CDH12: variants seen among roughly 807,000 people sequenced by gnomAD.
CDH12 encodes cadherin 12, also known as cadherin-12.
In CDH12, 41 loss-of-function variants were observed where a neutral mutation model predicts 74.1. The ratio of observed to expected loss-of-function variants is 0.55; its 90% CI spans 0.43 to 0.72. CDH12 has a LOEUF of 0.72. Ranked by LOEUF, CDH12 falls within the 30% of genes least tolerant of loss-of-function variation. CDH12 has a pLI of 0.00. For missense variants in CDH12, 945 were observed against 977.2 expected (o/e 0.97, Z 0.44); for synonymous variants, 399 against 355.0 (o/e 1.12, Z -1.39).
intron 3 of CDH12, among the ~76,000 whole-genome samples, chr5:22,367,231 T>C (rs1741074988): frequency 3.3e-5 from 5 of 152,188 alleles, no homozygotes; most frequent in Admixed American, 3.3e-4. Flanking sequence ...CCTAGTGATC[T>C]AATGGAACTC....
At chr5:22,801,432 G>T (rs954623379) in intron 1 of CDH12, among the ~76,000 whole-genome samples, 18 of 151,990 alleles carry the variant, frequency 1.2e-4, no homozygotes, top group African/African-American at 4.1e-4. Flanking sequence ...CTTTTAAAAA[G>T]AGGTTTTTTG....
At chr5:22,322,350 A>G (rs1304469658) in intron 3 of CDH12, among the ~76,000 whole-genome samples, 1 of 134,270 alleles carries the variant, frequency 7.4e-6, no homozygotes, top group Non-Finnish European at 1.6e-5. Flanking sequence ...TTTCATAAAT[A>G]TATTTCAGCT....
chr5:22,571,718 T>A (rs1739549072), intron 1 of CDH12, among the ~76,000 whole-genome samples: 1 of 152,186 alleles, frequency 6.6e-6, no homozygotes, highest in Non-Finnish European at 1.5e-5. Flanking sequence ...TTAACTGACC[T>A]AATGTCAATG....
chr5:21,820,092 A>G (rs994637776), intron 8 of CDH12, among the ~76,000 whole-genome samples: 9 of 151,572 alleles, frequency 5.9e-5, no homozygotes, highest in East Asian at 3.9e-4. Context: ...AATATGGGGG[A>G]AAAAAAATTA....
At chr5:22,156,073 A>T (rs1463146298) in intron 4 of CDH12, among the ~76,000 whole-genome samples, 2 of 152,144 alleles carry the variant, frequency 1.3e-5, no homozygotes, top group Admixed American at 6.6e-5. Flanking sequence ...TATATATATA[A>T]AAGATAACAT....
chr5:21,898,570 C>T (rs751969765), intron 6 of CDH12, among the ~76,000 whole-genome samples: 9 of 151,826 alleles, frequency 5.9e-5, no homozygotes, highest in Non-Finnish European at 1.2e-4. Context: ...GGCGTGGTGG[C>T]GGGCGCCTAT....
chr5:22,306,681 GA>G (rs1488494367), intron 3 of CDH12, among the ~76,000 whole-genome samples: 2 of 152,112 alleles, frequency 1.3e-5, no homozygotes, highest in African/African-American at 4.8e-5. Context: ...GGGGTCAAAT[GA>G]ATGAGATTTC....
Position 22,138,460 on chromosome 5 carries a change from C to A in CDH12, c.-186-59598G>T, listed in dbSNP as rs182033369. ...GTCAGTGACATTTTTAGTTGCTTTT[C>A]TTTCTTAAAATTTGCTCCTAAAGTG... On this transcript the variant is annotated intron_variant, in intron 4 of 14. Coordinates refer to ENST00000382254, the MANE Select transcript of CDH12 (RefSeq NM_004061.5). Among the ~76,000 whole-genome samples the A allele has an allele frequency of 7.9e-3, 1,190 of 151,442 alleles. 14 individuals are homozygous for A. The highest frequency in any genetic ancestry group is 0.028 in the African/African-American group (1,140 of 41,392).
intron 3 of CDH12, among the ~76,000 whole-genome samples, chr5:22,308,652 T>G (rs574047803): frequency 1.6e-4 from 24 of 152,270 alleles, no homozygotes; most frequent in East Asian, 9.7e-4. Flanking sequence ...TTCTAAGAGA[T>G]AATTCAGGAT....
intron 1 of CDH12, among the ~76,000 whole-genome samples, chr5:22,599,806 T>C (rs1470101061): frequency 1.3e-5 from 2 of 152,188 alleles, no homozygotes; most frequent in Non-Finnish European, 2.9e-5. Context: ...AATATATTTA[T>C]AATGCACATC....
At chr5:22,618,826 G>A (rs550713133) in intron 1 of CDH12, among the ~76,000 whole-genome samples, 304 of 152,076 alleles carry the variant, frequency 2.0e-3, no homozygotes, top group Middle Eastern at 3.4e-3. Context: ...ATGGGGGTGG[G>A]TATTTCCATG....
intron 4 of CDH12, among the ~76,000 whole-genome samples, chr5:22,122,465 A>G (rs1026941008): frequency 1.3e-5 from 2 of 152,138 alleles, no homozygotes; most frequent in Admixed American, 6.6e-5. Context: ...AAGGCCCCAC[A>G]AGATCTTCCG....
intron 5 of CDH12, among the ~76,000 whole-genome samples, chr5:22,018,800 G>A (rs981160033): frequency 1.5e-4 from 23 of 152,148 alleles, no homozygotes; most frequent in African/African-American, 5.1e-4. Flanking sequence ...GGCCAGGCAC[G>A]GTGGCTCATG....
intron 1 of CDH12, among the ~76,000 whole-genome samples, chr5:22,832,084 A>G (rs1025328121): frequency 1.3e-5 from 2 of 152,130 alleles, no homozygotes; most frequent in Non-Finnish European, 2.9e-5. Flanking sequence ...GAATAAAAAT[A>G]AAAAAAGTTA....
Position 21,802,331 on chromosome 5 carries a change from A to C in CDH12, c.1092T>G (p.Pro364=), listed in dbSNP as rs763366414. 1.1e-5 allele frequency: 18 copies of C among 1,613,902 alleles called. No homozygotes were observed. The East Asian group carries it at 2.5e-4, about 22-fold the overall frequency. ...TCTTCACCGTAGCTGTGTCTTTGAA[A>C]GGGCCCGCCGAGTGAAACCGGTGGT... ...HLDHRFHSAG[P]FKDTATVKIS... The change falls in exon 10 of 15, where the codon CCT becomes CCG. Residue 364 remains proline (P), a synonymous_variant. Coordinates refer to ENST00000382254, the MANE Select transcript of CDH12 (RefSeq NM_004061.5).
At chr5:22,258,976 A>C (rs1194886321) in intron 3 of CDH12, among the ~76,000 whole-genome samples, 1 of 152,202 alleles carries the variant, frequency 6.6e-6, no homozygotes, top group African/African-American at 2.4e-5. Context: ...TTACAGATAA[A>C]CACATCACAG....
intron 1 of CDH12, among the ~76,000 whole-genome samples, chr5:22,533,424 G>T (rs1002795869): frequency 5.9e-5 from 9 of 152,150 alleles, no homozygotes; most frequent in African/African-American, 1.9e-4. Flanking sequence ...GTTTTGAAGA[G>T]CAAAAATTCT....
chr5:22,204,722 C>T (rs934027558), intron 4 of CDH12, among the ~76,000 whole-genome samples: 9 of 152,066 alleles, frequency 5.9e-5, no homozygotes, highest in African/African-American at 2.2e-4. Flanking sequence ...CAGGAATGCA[C>T]CCAACATATC....
At chr5:22,152,306 G>T (rs1257750157) in intron 4 of CDH12, 3 of 151,942 alleles carry the variant, frequency 2.0e-5, no homozygotes, top group Non-Finnish European at 4.4e-5. Context: ...ATTATGTTGT[G>T]GCAGACAATA....
Sources: allele counts gnomAD v4.1 joint callset (sites outside exome capture counted in the v4.1 genomes callset), GRCh38; gene constraint gnomAD v4.1.1; transcripts MANE v1.5; gene names NCBI Gene and HGNC (gene_info 2026-07-23, HGNC 2026-07-21).